FHIT: variants seen among roughly 807,000 people sequenced by gnomAD.
FHIT encodes the protein bis(5'-adenosyl)-triphosphatase.
Under a neutral mutation model 17.9 loss-of-function variants are expected in FHIT, and 19 were observed. The observed-to-expected ratio is 1.06, with a 90% confidence interval of 0.74 to 1.56. FHIT has a LOEUF of 1.56. Ranked by LOEUF, FHIT falls within the 40% of genes most tolerant of loss-of-function variation. The probability of loss-of-function intolerance (pLI) is 0.00; values close to 1 mark genes in which losing one functional copy is unlikely to be tolerated. For synonymous variants in FHIT, 81 were observed against 69.7 expected, an observed-to-expected ratio of 1.16 and a Z score of -0.81; for missense variants, 248 against 189.2, an observed-to-expected ratio of 1.31 and a Z score of -1.82.
At chr3:60,286,172 T>G (rs997262978) in intron 5 of FHIT, among the ~76,000 whole-genome samples, 20 of 152,190 alleles carry the variant, frequency 1.3e-4, no homozygotes, top group African/African-American at 4.8e-4. Context: ...CACCTCCTGA[T>G]AGTGTATGAC....
chr3:60,195,632 T>C (rs1380128963), intron 5 of FHIT, among the ~76,000 whole-genome samples: 2 of 146,552 alleles, frequency 1.4e-5, no homozygotes, highest in African/African-American at 5.0e-5. Flanking sequence ...TATATTAATA[T>C]ACATATAAAC....
chr3:60,391,980 G>A (rs770962962), intron 5 of FHIT, among the ~76,000 whole-genome samples: 20 of 151,596 alleles, frequency 1.3e-4, no homozygotes, highest in Non-Finnish European at 2.1e-4. Flanking sequence ...CAAAAAGGTG[G>A]TGCTGAAACA....
intron 3 of FHIT, among the ~76,000 whole-genome samples, chr3:61,037,279 G>C (rs2033303238): frequency 6.6e-6 from 1 of 152,086 alleles, no homozygotes; most frequent in East Asian, 1.9e-4. Flanking sequence ...GGTTATGCTT[G>C]GCTCTGGTGT....
chr3:61,212,916 G>A (rs1460140309), intron 1 of FHIT, among the ~76,000 whole-genome samples: 7 of 152,170 alleles, frequency 4.6e-5, no homozygotes. Flanking sequence ...AGCTTCATAA[G>A]TGAAGGAGAA....
intron 4 of FHIT, among the ~76,000 whole-genome samples, chr3:60,570,407 G>T (rs980462082): frequency 6.6e-6 from 1 of 152,146 alleles, no homozygotes; most frequent in Non-Finnish European, 1.5e-5. Context: ...AGCATCCTCT[G>T]AGAGTATGTA....
chr3:60,969,210 T>C (rs1300945980), intron 3 of FHIT, among the ~76,000 whole-genome samples: 1 of 152,132 alleles, frequency 6.6e-6, no homozygotes, highest in Non-Finnish European at 1.5e-5. Flanking sequence ...GTAATAGATA[T>C]AGGATAATTC....
chr3:59,974,779 G>C (rs572022406), intron 7 of FHIT, among the ~76,000 whole-genome samples: 2 of 152,058 alleles, frequency 1.3e-5, no homozygotes, highest in South Asian at 4.1e-4. Flanking sequence ...ATGTTGCAAA[G>C]CTACCTAATA....
At chr3:60,377,517 C>T (rs1455854495) in intron 5 of FHIT, among the ~76,000 whole-genome samples, 2 of 136,810 alleles carry the variant, frequency 1.5e-5, no homozygotes, top group African/African-American at 2.8e-5. Flanking sequence ...CTCTGTCGCC[C>T]AGGCCGGACT....
intron 5 of FHIT, among the ~76,000 whole-genome samples, chr3:60,450,704 A>C (rs73836734): frequency 0.045 from 6,876 of 152,172 alleles, 498 homozygotes; most frequent in African/African-American, 0.15. Context: ...AACAGCAGAC[A>C]ATGCCTCACT....
At chr3:59,971,910 G>A (rs955118134) in intron 7 of FHIT, among the ~76,000 whole-genome samples, 9 of 152,140 alleles carry the variant, frequency 5.9e-5, no homozygotes, top group Non-Finnish European at 8.8e-5. Context: ...TTGCACCAAC[G>A]TCAGTGCCTT....
Position 61,057,337 on chromosome 3 carries a change from T to G in FHIT, c.-163-15238A>C, listed in dbSNP as rs112109298. ...CAATAACAAAAACATTAAGTTAACA[T>G]TGGGGGTTCATAAGACTTTTTTTTC... On this transcript the variant is annotated intron_variant, in intron 2 of 9. Coordinates refer to ENST00000492590, the MANE Select transcript of FHIT (RefSeq NM_002012.4). 3.1e-3 allele frequency among the ~76,000 whole-genome samples: 479 copies of G among 152,328 alleles called. 3 individuals are homozygous for G. The highest frequency in any genetic ancestry group is 9.7e-3 in the African/African-American group (405 of 41,560).
At chr3:59,819,951 C>T (rs958354948) in intron 8 of FHIT, among the ~76,000 whole-genome samples, 5 of 152,188 alleles carry the variant, frequency 3.3e-5, no homozygotes, top group Non-Finnish European at 7.4e-5. Flanking sequence ...GTGTTTGTCT[C>T]TTTCTTCCTG....
chr3:60,988,861 A>C (rs1306752160), intron 3 of FHIT, among the ~76,000 whole-genome samples: 1 of 143,686 alleles, frequency 7.0e-6, no homozygotes, highest in Non-Finnish European at 1.5e-5. Context: ...CCTTAAATTC[A>C]ATGCACTGTG....
intron 5 of FHIT, among the ~76,000 whole-genome samples, chr3:60,319,927 C>A (rs1313904424): frequency 6.6e-6 from 1 of 152,076 alleles, no homozygotes; most frequent in Non-Finnish European, 1.5e-5. Context: ...GGAAGAAAAA[C>A]AGGAAAACGA....
intron 5 of FHIT, among the ~76,000 whole-genome samples, chr3:60,475,397 C>T (rs568458632): frequency 1.3e-5 from 2 of 152,288 alleles, no homozygotes; most frequent in South Asian, 4.1e-4. Context: ...TTAATCTCAA[C>T]ATAAACAGAA....
intron 8 of FHIT, among the ~76,000 whole-genome samples, chr3:59,812,548 C>T (rs1700445344): frequency 6.6e-6 from 1 of 152,180 alleles, no homozygotes; most frequent in African/African-American, 2.4e-5. Context: ...TTTAATGAAT[C>T]CTAAATGGTT....
intron 5 of FHIT, among the ~76,000 whole-genome samples, chr3:60,492,983 T>C (rs2107504553): frequency 6.6e-6 from 1 of 152,178 alleles, no homozygotes; most frequent in South Asian, 2.1e-4. Context: ...AAAGACCTAA[T>C]AAAACAGGAC....
intron 5 of FHIT, among the ~76,000 whole-genome samples, chr3:60,414,242 C>G (rs567876487): frequency 1.1e-3 from 174 of 152,284 alleles, no homozygotes; most frequent in African/African-American, 4.0e-3. Context: ...TTCAGTAGTT[C>G]TGGAGTCAGG....
chr3:60,977,164 C>T (rs62268666), intron 3 of FHIT, among the ~76,000 whole-genome samples: 33,335 of 152,080 alleles, frequency 0.22, 4,137 homozygotes, highest in African/African-American at 0.34. Context: ...TTCATAATCA[C>T]ACACGGGGTA....
Sources: gnomAD v4.1 joint callset for allele counts (sites outside exome capture counted in the v4.1 genomes callset) on GRCh38, gnomAD v4.1.1 for gene constraint, MANE v1.5 for transcripts, NCBI Gene and HGNC (gene_info 2026-07-23, HGNC 2026-07-21) for gene names.